ARID1B: variants seen among roughly 807,000 people sequenced by gnomAD.
ARID1B encodes the protein AT-rich interactive domain-containing protein 1B.
ARID1B carries 30 observed loss-of-function variants against 212.3 expected under a neutral mutation model. The ratio of observed to expected loss-of-function variants is 0.14; its 90% confidence interval spans 0.11 to 0.19. The LOEUF is 0.19. Ranked by LOEUF, ARID1B falls within the 10% of genes least tolerant of loss-of-function variation. The pLI, the probability that ARID1B is intolerant of heterozygous loss-of-function variation, is 1.00. For synonymous variants in ARID1B, 1,402 were observed against 1,301.7 expected (o/e 1.08, Z -1.66); for missense variants, 2,891 against 3,204.0 (o/e 0.90, Z 2.36).
intron 3 of ARID1B, among the ~76,000 whole-genome samples, chr6:156,925,214 T>C (rs1157472756): frequency 2.0e-5 from 3 of 152,234 alleles, no homozygotes; most frequent in Non-Finnish European, 4.4e-5. Context: ...GGTCCTTGTT[T>C]ACATGGGTGT....
intron 2 of ARID1B, among the ~76,000 whole-genome samples, chr6:156,893,088 GC>G: frequency 7.9e-6 from 1 of 126,870 alleles, no homozygotes; most frequent in African/African-American, 3.4e-5. Context: ...TGTCACCCAG[GC>G]TGGAGTGCAG....
intron 6 of ARID1B, among the ~76,000 whole-genome samples, chr6:157,121,543 T>C (rs1787711165): frequency 1.3e-5 from 2 of 152,166 alleles, no homozygotes; most frequent in African/African-American, 4.8e-5. Flanking sequence ...TTCTTTAATT[T>C]TTTTTCATCT....
chr6:156,961,409 C>T (rs1047509658), intron 4 of ARID1B, among the ~76,000 whole-genome samples: 47 of 152,212 alleles, frequency 3.1e-4, no homozygotes, highest in Non-Finnish European at 5.9e-4. Context: ...TGGGGAAATG[C>T]CAACTTTGCC....
At chr6:156,812,975 T>TGTGTGTGTGTGTATATACATAC (rs1554254429) in intron 1 of ARID1B, among the ~76,000 whole-genome samples, 1 of 103,586 alleles carries the variant, frequency 9.7e-6, no homozygotes, top group Non-Finnish European at 2.0e-5. Flanking sequence ...TGTGTGTGTG[T>TGTGTGTGTGTGTATATACATAC]GTATGTATAT....
At chr6:157,154,545 T>C (rs1168852441) in intron 8 of ARID1B, among the ~76,000 whole-genome samples, 1 of 150,906 alleles carries the variant, frequency 6.6e-6, no homozygotes, top group Admixed American at 6.6e-5. Flanking sequence ...TGTCATCTGG[T>C]CCTGTTGTTG....
intron 11 of ARID1B, chr6:157,175,292 C>G (rs770654002): frequency 1.3e-4 from 23 of 181,426 alleles, no homozygotes; most frequent in Non-Finnish European, 2.2e-4. Context: ...AACTCCTTCA[C>G]ACAGTGACTT....
Position 157,200,459 on chromosome 6 carries a change from T to C in ARID1B, c.4480-246T>C, listed in dbSNP as rs1583499512. 1.3e-5 allele frequency among the ~76,000 whole-genome samples: 2 copies of C among 151,968 alleles called. 1 individual carries two copies. The highest frequency in any genetic ancestry group is 1.3e-4 in the Admixed American group (2 of 15,284). On this transcript the variant is annotated intron_variant, in intron 17 of 19. Transcript: ENST00000636930. The surrounding 1 kb of genome is among the most constrained non-coding windows in gnomAD (Gnocchi z 4.3). ...GCACAGCCTAAGGAGAGGAGGCTTT[T>C]TTTTTTCCACAGGAAGTTTCAAACA...
chr6:156,823,522 A>G (rs1227643515), intron 1 of ARID1B, among the ~76,000 whole-genome samples: 1 of 152,180 alleles, frequency 6.6e-6, no homozygotes, highest in Non-Finnish European at 1.5e-5. Context: ...AGAGAAATAG[A>G]ACAGATTTCA....
In ARID1B at chr6:156,777,813, C is replaced by G. The variant is rs1778730664; in HGVS notation, c.133C>G (p.Arg45Gly). The G allele has an allele frequency of 1.0e-6, 1 of 991,306 alleles. No homozygotes were observed. Among genetic ancestry groups the G allele is most frequent in the Non-Finnish European group, 1.2e-6 (1 of 833,996 alleles). 61.4% of individuals were successfully genotyped at this position (991,306 alleles called of 1,614,324 possible). ...AGCCCGGGACCTGGAGGCGGGGGCG[C>G]GCGGCGCGGCGGCGGCGGCGGCGGC... ...PGARDLEAGA[R>G]GAAAAAAAPG... is the part of the protein sequence containing the mutation. Residue 45 changes from arginine (R) to glycine (G), a missense_variant, in exon 1 of 20, where the codon CGC (arginine) becomes GGC (glycine). Around this residue, in one of 7 missense-constraint regions of ARID1B, gnomAD observed 1,643 missense variants for 1,544.0 expected, o/e 1.06. Coordinates refer to ENST00000636930, the MANE Select transcript of ARID1B (RefSeq NM_001374828.1).
intron 1 of ARID1B, among the ~76,000 whole-genome samples, chr6:156,821,694 A>G (rs972730911): frequency 6.6e-6 from 1 of 152,192 alleles, no homozygotes; most frequent in Non-Finnish European, 1.5e-5. Flanking sequence ...AATGCATGGC[A>G]TATGTTGTTA....
At chr6:156,992,612 G>A (rs879389957) in intron 4 of ARID1B, among the ~76,000 whole-genome samples, 1 of 152,204 alleles carries the variant, frequency 6.6e-6, no homozygotes, top group Non-Finnish European at 1.5e-5. Flanking sequence ...TGGAGCGGGA[G>A]GTATTCAGAA....
At chr6:157,032,736 T>C (rs1021711683) in intron 4 of ARID1B, among the ~76,000 whole-genome samples, 1 of 152,246 alleles carries the variant, frequency 6.6e-6, no homozygotes, top group African/African-American at 2.4e-5. Context: ...GAAGCACATG[T>C]AGTTGGTGGG....
rs903210888 is a variant in ARID1B at position 156,901,474 on chromosome 6, C to A, written c.2085C>A (p.Pro695=). ...SQQPQPPHLP[P]QAQYLPSQSQ... ...AGCCGCAGCCCCCGCACCTCCCACC[C>A]CAGGCGCAGTATCTGCCGTCCCAGT... Residue 695 remains proline (P), a synonymous_variant, in exon 3 of 20, where the codon CCC becomes CCA. Transcript: ENST00000636930. The A allele has an allele frequency of 2.9e-5, 46 of 1,613,992 alleles. No homozygotes were observed. The highest frequency in any genetic ancestry group is 3.9e-5 in the Non-Finnish European group (46 of 1,180,052).
intron 4 of ARID1B, among the ~76,000 whole-genome samples, chr6:157,016,245 T>TA (rs1779912696): frequency 6.6e-6 from 1 of 152,162 alleles, no homozygotes; most frequent in African/African-American, 2.4e-5. Context: ...CTTCAGTTTT[T>TA]AAAAAAAGAG....
intron 2 of ARID1B, among the ~76,000 whole-genome samples, chr6:156,857,246 T>C (rs1018056777): frequency 2.0e-5 from 3 of 152,252 alleles, no homozygotes; most frequent in African/African-American, 7.2e-5. Context: ...TGTCAAAAGC[T>C]GAACTTTGGT....
At chr6:156,829,724 T>G (rs529355666) in intron 2 of ARID1B, 1 of 231,510 alleles carries the variant, frequency 4.3e-6, no homozygotes, top group African/African-American at 2.2e-5. Flanking sequence ...TGAAGTGAAC[T>G]TGGCATTCCA....
At chr6:157,034,578 T>C (rs1781205528) in intron 4 of ARID1B, among the ~76,000 whole-genome samples, 1 of 152,366 alleles carries the variant, frequency 6.6e-6, no homozygotes, top group East Asian at 1.9e-4. Context: ...AAAGCTTAGC[T>C]GATTTCGGCC....
intron 3 of ARID1B, among the ~76,000 whole-genome samples, chr6:156,905,250 G>GCACGCACACACACA (rs1554265936): frequency 1.4e-5 from 2 of 143,730 alleles, no homozygotes; most frequent in African/African-American, 5.2e-5. Flanking sequence ...ACATATGCAC[G>GCACGCACACACACA]CACACACACA....
Position 157,208,122 on chromosome 6 carries a change from CTT to C in ARID1B, c.*238_*239del. 4.6e-6 allele frequency: 2 copies of C among 437,208 alleles called. No homozygotes were observed. The highest frequency in any genetic ancestry group is 7.4e-6 in the Non-Finnish European group (2 of 271,698). 27.1% of individuals were successfully genotyped at this position (437,208 alleles called of 1,614,324 possible). On this transcript the variant is annotated 3_prime_UTR_variant, in exon 20 of 20. Coordinates refer to ENST00000636930, the MANE Select transcript of ARID1B (RefSeq NM_001374828.1). ...ACATCCTTTGGGGTTTTTTTTTTCT[CTT>C]TTTTTTAACCAAAGTTGCTGTCTAG...
Sources: allele counts gnomAD v4.1 joint callset (sites outside exome capture counted in the v4.1 genomes callset), GRCh38; gene constraint gnomAD v4.1.1; regional missense constraint gnomAD v4.1.1; non-coding constraint Gnocchi (gnomAD v3.1); transcripts MANE v1.5; gene names NCBI Gene and HGNC (gene_info 2026-07-23, HGNC 2026-07-21).